GALNT14: variants seen among roughly 807,000 people sequenced by gnomAD.
The protein encoded by GALNT14 is polypeptide N-acetylgalactosaminyltransferase 14.
Under a neutral mutation model 77.5 loss-of-function variants are expected in GALNT14, and 60 were observed. The observed-to-expected ratio is 0.77, with a 90% CI of 0.63 to 0.96. The LOEUF is 0.96. Ranked by LOEUF, GALNT14 falls within the 40% of genes least tolerant of loss-of-function variation. The pLI is 0.00. For missense variants in GALNT14, 710 were observed against 731.0 expected, an observed-to-expected ratio of 0.97 and a Z score of 0.33; for synonymous variants, 280 against 281.7, an observed-to-expected ratio of 0.99 and a Z score of 0.06.
intron 1 of GALNT14, among the ~76,000 whole-genome samples, chr2:31,114,575 C>A (rs1294746366): frequency 1.3e-5 from 2 of 152,148 alleles, no homozygotes; most frequent in Non-Finnish European, 2.9e-5. Flanking sequence ...AAAATACACA[C>A]ACGCACACAC....
intron 6 of GALNT14, 139 bp downstream of exon 6, chr2:30,955,479 T>A: frequency 2.6e-6 from 3 of 1,161,354 alleles, no homozygotes; most frequent in Non-Finnish European, 2.4e-6. Flanking sequence ...AGTTCCTTCA[T>A]CAATAAAATC....
the GALNT14 span, among the ~76,000 whole-genome samples, chr2:30,886,868 A>AC: frequency 6.6e-6 from 1 of 151,916 alleles, no homozygotes; most frequent in Non-Finnish European, 1.5e-5. Context: ...CATTTTCATC[A>AC]CCCCCAGAGA....
In GALNT14 at chr2:30,927,434, G is replaced by A. The variant is rs189523099; in HGVS notation, c.1151+1961C>T. Among the ~76,000 whole-genome samples the A allele has an allele frequency of 1.5e-4, 23 of 152,306 alleles. No individual in the cohort carries two copies. In the East Asian group the frequency reaches 3.5e-3, roughly 23 times the overall value. On this transcript the variant is annotated intron_variant, in intron 11 of 14. Transcript: ENST00000349752. ...TTAACAAGATCCCCAGGAAATCTGC[G>A]TGCACATTAATGTCTGAGAGGCCCT...
chr2:30,976,585 C>T (rs12614615), intron 2 of GALNT14, among the ~76,000 whole-genome samples: 3,569 of 149,504 alleles, frequency 0.024, 143 homozygotes, highest in East Asian at 0.21. Context: ...ACCACCCAGA[C>T]GGCAGCTGTG....
At chr2:31,096,400 G>A (rs1677006174) in intron 1 of GALNT14, among the ~76,000 whole-genome samples, 1 of 152,108 alleles carries the variant, frequency 6.6e-6, no homozygotes, top group Admixed American at 6.6e-5. Flanking sequence ...CTAAGCATAT[G>A]GCCCTGGCTA....
Position 30,910,957 on chromosome 2 carries a change from C to T in GALNT14, c.1603G>A (p.Val535Ile), listed in dbSNP as rs202186542. The change falls in exon 15 of 15, where the codon GTC becomes ATC. Residue 535 changes from valine to isoleucine, a missense_variant. Physicochemically the swap from Val to Ile is conservative, Grantham distance 29 (BLOSUM62 3). Transcript: ENST00000349752. ...ATGAGTGAGGACTCACATGGGTTGA[C>T]GACGATTTCCTTGCCGTTCTCGGTG... ...DGTENGKEIV[V>I]NPCESSLMSQ... 10 of 1,613,762 alleles carry T rather than the reference C, an allele frequency of 6.2e-6. No individual in the cohort carries two copies. The highest frequency in any genetic ancestry group is 4.4e-5 in the South Asian group (4 of 91,032).
chr2:31,054,078 G>C (rs913623606), intron 1 of GALNT14, among the ~76,000 whole-genome samples: 9 of 152,244 alleles, frequency 5.9e-5, no homozygotes, highest in South Asian at 4.1e-4. Flanking sequence ...GGCTATCAGG[G>C]AGAGCAAGTC....
intron 1 of GALNT14, among the ~76,000 whole-genome samples, chr2:31,137,251 A>C (rs1679265853): frequency 6.6e-6 from 1 of 152,220 alleles, no homozygotes; most frequent in African/African-American, 2.4e-5. Context: ...TGAAGGTAAG[A>C]GTGAGCCTAT....
chr2:30,958,525 C>G, intron 3 of GALNT14, 61 bp from the exon 4 acceptor site: 2 of 1,359,594 alleles, frequency 1.5e-6, no homozygotes, highest in Non-Finnish European at 2.1e-6. Context: ...TATGTACTAA[C>G]CCGAGTTTTA....
intron 4 of GALNT14, among the ~76,000 whole-genome samples, chr2:30,957,646 A>T (rs1318712534): frequency 6.6e-6 from 1 of 152,182 alleles, no homozygotes; most frequent in African/African-American, 2.4e-5. Flanking sequence ...GCCTTCGTAC[A>T]GCAGACCGCA....
At position 30,912,206 on chromosome 2, in the gene GALNT14, A is replaced by T; in HGVS notation, c.1500+17T>A. 6.2e-7 allele frequency: 1 copy of T among 1,613,760 alleles called. No homozygotes were observed. The stretch of plus-strand genomic sequence containing the variant: ...TTACGGAGTTGGCCACATCCCAGGG[A>T]CCTGCTGAGCACTTACCTGTCGGTC... On this transcript the variant is annotated intron_variant, in intron 14 of 14. Transcript: ENST00000349752.
At chr2:31,008,864 G>C (rs899831944) in intron 1 of GALNT14, among the ~76,000 whole-genome samples, 1 of 152,210 alleles carries the variant, frequency 6.6e-6, no homozygotes, top group African/African-American at 2.4e-5. Context: ...CCTGCTGGGG[G>C]AGGCGGCTCC....
chr2:30,892,801 C>T, the GALNT14 span, among the ~76,000 whole-genome samples: 2 of 152,170 alleles, frequency 1.3e-5, no homozygotes, highest in Admixed American at 1.3e-4. Context: ...ATTAAACTGC[C>T]TTTATCTCTG....
intron 14 of GALNT14, among the ~76,000 whole-genome samples, 155 bp downstream of exon 14, chr2:30,912,068 G>C (rs901783230): frequency 2.0e-5 from 3 of 152,134 alleles, no homozygotes; most frequent in African/African-American, 7.2e-5. Flanking sequence ...TCACAGAGGG[G>C]ATCCCAGGCA....
intron 1 of GALNT14, among the ~76,000 whole-genome samples, chr2:31,093,298 A>T (rs1676847586): frequency 6.6e-6 from 1 of 152,196 alleles, no homozygotes; most frequent in Non-Finnish European, 1.5e-5. Flanking sequence ...ACTCTTCATG[A>T]GGTCTGGTTT....
chr2:31,078,511 A>G (rs1456595051), intron 1 of GALNT14, among the ~76,000 whole-genome samples: 1 of 152,198 alleles, frequency 6.6e-6, no homozygotes, highest in Admixed American at 6.5e-5. Context: ...TAAAGGATCT[A>G]AGTCTGAATT....
chr2:31,137,054 C>A (rs908718048), intron 1 of GALNT14, among the ~76,000 whole-genome samples: 3 of 152,222 alleles, frequency 2.0e-5, no homozygotes, highest in African/African-American at 7.2e-5. Flanking sequence ...CCCCCAGAGG[C>A]CTCCTTCCGT....
At chr2:31,022,091 G>A (rs924944860) in intron 1 of GALNT14, among the ~76,000 whole-genome samples, 1 of 152,128 alleles carries the variant, frequency 6.6e-6, no homozygotes, top group Non-Finnish European at 1.5e-5. Context: ...ACTGCCTCCT[G>A]GTCTTCTATT....
chr2:31,054,313 A>G (rs1406019797), intron 1 of GALNT14, among the ~76,000 whole-genome samples: 4 of 152,236 alleles, frequency 2.6e-5, no homozygotes, highest in African/African-American at 9.6e-5. Context: ...AGATGATCTT[A>G]GCGTGGCTGA....
Sources: gnomAD v4.1 joint callset for allele counts (sites outside exome capture counted in the v4.1 genomes callset) on GRCh38, gnomAD v4.1.1 for gene constraint, MANE v1.5 for transcripts, NCBI Gene and HGNC (gene_info 2026-07-23, HGNC 2026-07-21) for gene names.